The following GABRB2 variants were observed in gnomAD, a reference collection of about 807,000 sequenced individuals.
GABRB2 encodes the protein gamma-aminobutyric acid type A receptor subunit beta2, also known as gamma-aminobutyric acid receptor subunit beta-2.
In GABRB2, 16 loss-of-function variants were observed where a neutral mutation model predicts 54.7. That is an observed-to-expected ratio of 0.29 (90% confidence interval 0.20 to 0.44). GABRB2 has a LOEUF of 0.44. Ranked by LOEUF, GABRB2 falls within the 20% of genes least tolerant of loss-of-function variation. The probability of loss-of-function intolerance (pLI) is 1.00; values close to 1 mark genes in which losing one functional copy is unlikely to be tolerated. For synonymous variants in GABRB2, 244 were observed against 233.8 expected, an observed-to-expected ratio of 1.04 and a Z score of -0.40; for missense variants, 355 against 644.0, an observed-to-expected ratio of 0.55 and a Z score of 4.86.
chr5:161,413,574 T>G (rs1756582298), intron 4 of GABRB2, among the ~76,000 whole-genome samples: 1 of 152,190 alleles, frequency 6.6e-6, no homozygotes, highest in Admixed American at 6.5e-5. Flanking sequence ...TTTAGTTTGG[T>G]TTTACATGTA....
At chr5:161,354,109 G>C (rs1465441341) in intron 5 of GABRB2, among the ~76,000 whole-genome samples, 1 of 152,050 alleles carries the variant, frequency 6.6e-6, no homozygotes, top group Non-Finnish European at 1.5e-5. Context: ...CCTCTACAGT[G>C]TCCTCAGATT....
chr5:161,435,692 A>G (rs969645738), intron 4 of GABRB2, among the ~76,000 whole-genome samples: 7 of 152,192 alleles, frequency 4.6e-5, no homozygotes, highest in African/African-American at 1.7e-4. Flanking sequence ...AGAGGGCCCA[A>G]TAATGGCATC....
At chr5:161,502,502 C>T (rs563074219) in intron 3 of GABRB2, among the ~76,000 whole-genome samples, 2 of 151,944 alleles carry the variant, frequency 1.3e-5, no homozygotes, top group African/African-American at 4.8e-5. Context: ...AGACATGTTG[C>T]CACACCTCAT....
At chr5:161,385,950 GT>G (rs1755616957) in intron 5 of GABRB2, among the ~76,000 whole-genome samples, 2 of 39,050 alleles carry the variant, frequency 5.1e-5, no homozygotes, top group South Asian at 1.5e-3. Flanking sequence ...ATTGTCTGGT[GT>G]GTGTGTGTGT....
chr5:161,415,389 G>C (rs916111796), intron 4 of GABRB2, among the ~76,000 whole-genome samples: 1 of 152,116 alleles, frequency 6.6e-6, no homozygotes, highest in Non-Finnish European at 1.5e-5. Context: ...TAGCCATTGG[G>C]AAATATTATC....
chr5:161,507,617 A>G (rs1368327970), intron 3 of GABRB2, among the ~76,000 whole-genome samples: 2 of 152,050 alleles, frequency 1.3e-5, no homozygotes, highest in Non-Finnish European at 2.9e-5. Flanking sequence ...GTAACAGACT[A>G]TACCCACAAT....
intron 3 of GABRB2, among the ~76,000 whole-genome samples, chr5:161,465,634 T>C (rs950272214): frequency 2.0e-5 from 3 of 152,068 alleles, no homozygotes; most frequent in East Asian, 3.9e-4. Context: ...TCTGTGTTTC[T>C]TATCTTTTTT....
intron 5 of GABRB2, among the ~76,000 whole-genome samples, chr5:161,342,565 C>T (rs571678986): frequency 6.6e-6 from 1 of 152,146 alleles, no homozygotes; most frequent in South Asian, 2.1e-4. Flanking sequence ...ATTTTACTTA[C>T]TCCTGGAATA....
chr5:161,351,656 C>G (rs907498787), intron 5 of GABRB2, among the ~76,000 whole-genome samples: 2 of 151,948 alleles, frequency 1.3e-5, no homozygotes, highest in African/African-American at 4.8e-5. Context: ...ATTTTTGGAG[C>G]TATTACCCAG....
intron 3 of GABRB2, among the ~76,000 whole-genome samples, chr5:161,461,630 T>C (rs1758121085): frequency 6.6e-6 from 1 of 152,202 alleles, no homozygotes; most frequent in Admixed American, 6.5e-5. Flanking sequence ...ATGTAATTGC[T>C]CTCTCACCCT....
At chr5:161,312,144 G>A (rs962382380) in intron 9 of GABRB2, among the ~76,000 whole-genome samples, 3 of 152,116 alleles carry the variant, frequency 2.0e-5, no homozygotes, top group Non-Finnish European at 4.4e-5. Context: ...CCTCACCCAG[G>A]GATGCCTTGT....
At chr5:161,319,361 A>T (rs886917558) in intron 9 of GABRB2, among the ~76,000 whole-genome samples, 1 of 148,758 alleles carries the variant, frequency 6.7e-6, no homozygotes, top group Admixed American at 6.7e-5. Context: ...AATTTTTCTT[A>T]ATGTCCTTTT....
chr5:161,398,467 C>A (rs1756073242), intron 5 of GABRB2, among the ~76,000 whole-genome samples: 1 of 152,146 alleles, frequency 6.6e-6, no homozygotes, highest in Non-Finnish European at 1.5e-5. Flanking sequence ...GGAAACTATG[C>A]AGTCAGCAAC....
chr5:161,528,873 T>G (rs1760368553), intron 3 of GABRB2, among the ~76,000 whole-genome samples: 1 of 151,908 alleles, frequency 6.6e-6, no homozygotes, highest in Non-Finnish European at 1.5e-5. Context: ...CAAACTAAAG[T>G]CTTTGAATTG....
intron 9 of GABRB2, among the ~76,000 whole-genome samples, chr5:161,305,001 ATTTTTTTTT>A (rs544511446): frequency 5.3e-5 from 5 of 95,142 alleles, no homozygotes; most frequent in South Asian, 3.4e-4. Context: ...TGATATATCA[ATTTTTTTTT>A]TTTTTTTTTT....
intron 4 of GABRB2, among the ~76,000 whole-genome samples, chr5:161,428,313 G>C (rs1016339241): frequency 1.3e-5 from 2 of 151,918 alleles, no homozygotes; most frequent in African/African-American, 4.8e-5. Flanking sequence ...GTGTGTGTGT[G>C]TGTGTGTGTG....
intron 5 of GABRB2, among the ~76,000 whole-genome samples, chr5:161,356,802 C>T (rs564164820): frequency 1.3e-5 from 2 of 152,222 alleles, no homozygotes; most frequent in African/African-American, 2.4e-5. Context: ...TGCTTTAGGT[C>T]CTAGTGCTCA....
intron 5 of GABRB2, among the ~76,000 whole-genome samples, chr5:161,360,068 G>A (rs1346356992): frequency 7.3e-6 from 1 of 136,936 alleles, no homozygotes; most frequent in Non-Finnish European, 1.6e-5. Flanking sequence ...TGGCGACACA[G>A]CGAGACTCCG....
chr5:161,339,017 G>A (rs953589223), intron 5 of GABRB2, among the ~76,000 whole-genome samples: 4 of 151,966 alleles, frequency 2.6e-5, no homozygotes. Context: ...TCAGTCTGAG[G>A]CTCCATGTCA....
Sources: gnomAD v4.1 joint callset for allele counts (sites outside exome capture counted in the v4.1 genomes callset) on GRCh38, gnomAD v4.1.1 for gene constraint, MANE v1.5 for transcripts, NCBI Gene and HGNC (gene_info 2026-07-23, HGNC 2026-07-21) for gene names.